The following RETREG2 variants were observed in gnomAD, a reference collection of about 807,000 sequenced individuals.
RETREG2 encodes reticulophagy regulator 2.
Under a neutral mutation model 51.6 loss-of-function variants are expected in RETREG2, and 21 were observed. The observed-to-expected ratio is 0.41, with a 90% CI of 0.29 to 0.59. RETREG2 has a LOEUF of 0.59. Ranked by LOEUF, RETREG2 falls within the 20% of genes least tolerant of loss-of-function variation. The pLI, the probability that RETREG2 is intolerant of heterozygous loss-of-function variation, is 0.34. For missense variants in RETREG2, 674 were observed against 646.0 expected, an observed-to-expected ratio of 1.04 and a Z score of -0.47; for synonymous variants, 339 against 288.6, an observed-to-expected ratio of 1.17 and a Z score of -1.77.
Position 219,182,047 on chromosome 2 carries a change from G to A in RETREG2, c.1050G>A (p.Glu350=). The A allele has an allele frequency of 6.2e-7, 1 of 1,614,102 alleles. No homozygotes were observed. The highest frequency in any genetic ancestry group is 1.1e-5 in the South Asian group (1 of 91,082). ...LDQQSLPSEP[E]ETLSRDLGEG... ...AGCAGAGCCTGCCAAGTGAACCAGA[G>A]GAGACCCTAAGCCGGGACCTAGGGG... The change falls in exon 9 of 9, where the codon GAG becomes GAA. Residue 350 remains glutamate, a synonymous_variant. Transcript: ENST00000430297.
In RETREG2 at chr2:219,184,828, T is replaced by TTTTTTTTG. The variant is rs1950329141; in HGVS notation, c.*2206_*2207insGTTTTTTT. ...TTTGGTTTTTTGTTTTTTGTGGGTT[T>TTTTTTTTG]TTTTTTTTTTTTTTTTGAGACGGAG... On this transcript the variant is annotated 3_prime_UTR_variant, in exon 9 of 9. Coordinates refer to ENST00000430297, the MANE Select transcript of RETREG2 (RefSeq NM_024293.6). 1.5e-5 allele frequency: 2 copies of TTTTTTTTG among 129,658 alleles called. No homozygotes were observed. The highest frequency in any genetic ancestry group is 3.3e-5 in the Non-Finnish European group (2 of 59,784). 8.0% of individuals were successfully genotyped at this position (129,658 alleles called of 1,614,324 possible).
Position 219,179,640 on chromosome 2 carries a change from G to C in RETREG2, c.389-93G>C, listed in dbSNP as rs894443476. 2.4e-6 allele frequency: 3 copies of C among 1,233,840 alleles called. No individual in the cohort carries two copies. The African/African-American group carries it at 4.5e-5, about 18-fold the overall frequency. 76.4% of individuals were successfully genotyped at this position (1,233,840 alleles called of 1,614,324 possible). On this transcript the variant is annotated intron_variant, in intron 2 of 8. Transcript: ENST00000430297. ...CATTGGCATCTGAAGAAGGTGCTCT[G>C]GGGCTGCAGAGGAGGGACAACTATT...
rs374903418 is a variant in RETREG2, at chr2:219,180,181, G to A, written c.491G>A (p.Ser164Asn). Reference sequence around the variant, plus strand: ...GAGTTGTGCAGATACCTGGCTGAGAGCTGGCTCACCTTCCAGATTCACCTG... The same window carrying A: ...GAGTTGTGCAGATACCTGGCTGAGAACTGGCTCACCTTCCAGATTCACCTG... ...VPELCRYLAE[S>N]WLTFQIHLQE... The change falls in exon 4 of 9, where the codon AGC (serine) becomes AAC (asparagine). Residue 164 changes from serine to asparagine, a missense_variant. Transcript: ENST00000430297. The A allele has an allele frequency of 3.7e-6, 6 of 1,614,092 alleles. No homozygotes were observed. The African/African-American group carries it at 8.0e-5, about 22-fold the overall frequency.
Position 219,178,547 on chromosome 2 carries a change from G to A in RETREG2, c.195G>A (p.Ala65=). 1 of 1,443,442 alleles carries A rather than the reference G, an allele frequency of 6.9e-7. No individual in the cohort carries two copies. The highest frequency in any genetic ancestry group is 9.0e-7 in the Non-Finnish European group (1 of 1,106,806). 89.4% of individuals were successfully genotyped at this position (1,443,442 alleles called of 1,614,324 possible). The change falls in exon 1 of 9, where the codon GCG becomes GCA. Residue 65 remains alanine, a synonymous_variant. Transcript: ENST00000430297. ...GGCTGCGGCTCCGCGGCTGGGAGGC[G>A]GTGCTGGCGGCGGCGCAGCGGTTGC... ...TLWLRLRGWE[A]VLAAAQRLLV...
rs1950325510 is a variant in RETREG2 at position 219,184,696 on chromosome 2, C to G, written c.*2067C>G. ...ACATGTCCTATCTTTAATCTATTTT[C>G]TTATTAAGCTTGGACATTGACAATA... On this transcript the variant is annotated 3_prime_UTR_variant, in exon 9 of 9. Transcript: ENST00000430297. The G allele has an allele frequency of 6.6e-6, 1 of 152,010 alleles. No homozygotes were observed. The highest frequency in any genetic ancestry group is 2.4e-5 in the African/African-American group (1 of 41,380). The allele number at this position is 152,010 out of a possible 1,614,324, so 9.4% of individuals were successfully genotyped here.
At position 219,181,661 on chromosome 2, in the gene RETREG2, T is replaced by C. The variant is rs1289382762; in HGVS notation, c.901T>C (p.Leu301=). Residue 301 remains leucine (L), a synonymous_variant, in exon 8 of 9, where the codon TTG becomes CTG. Coordinates refer to ENST00000430297, the MANE Select transcript of RETREG2 (RefSeq NM_024293.6). ...SPVVDVKKTA[L]ALAITDSELS... ...CCAGGTGGATGTGAAGAAAACAGCATTGGCCTTGGCCATTACAGACTCAGA... is the reference window on the plus strand; with the variant it reads ...CCAGGTGGATGTGAAGAAAACAGCACTGGCCTTGGCCATTACAGACTCAGA... 1.2e-6 allele frequency: 2 copies of C among 1,614,106 alleles called. No homozygotes were observed. Among genetic ancestry groups the C allele is most frequent in the Non-Finnish European group, 1.7e-6 (2 of 1,179,958 alleles).
rs71040423 is a variant in RETREG2, at chr2:219,184,825, G to GTTTTTTTTTTTTTTTTTT, written c.*2198_*2215dup. On this transcript the variant is annotated 3_prime_UTR_variant, in exon 9 of 9. Transcript: ENST00000430297. ...TGTTTTGGTTTTTTGTTTTTTGTGG[G>GTTTTTTTTTTTTTTTTTT]TTTTTTTTTTTTTTTTTTTGAGACG... is the stretch of plus-strand genomic sequence containing the variant. 5.4e-4 allele frequency: 54 copies of GTTTTTTTTTTTTTTTTTT among 99,396 alleles called. 9 individuals carry two copies. Among genetic ancestry groups the GTTTTTTTTTTTTTTTTTT allele is most frequent in the Non-Finnish European group, 6.7e-4 (35 of 51,890 alleles). 6.2% of individuals were successfully genotyped at this position (99,396 alleles called of 1,614,324 possible). A position where few individuals can be genotyped will look rare whatever the true frequency, so the allele number is the denominator to read the frequency against.
In RETREG2 at chr2:219,178,646, G is replaced by A; in HGVS notation, c.281+13G>A. Reference sequence around the variant, plus strand: ...ACGGCCTCTTCTGGTAACGGCCGCGGAGGAGGGGGCGGGGCCGGGATGAGC... The same window carrying A: ...ACGGCCTCTTCTGGTAACGGCCGCGAAGGAGGGGGCGGGGCCGGGATGAGC... On this transcript the variant is annotated intron_variant, in intron 1 of 8. Coordinates refer to ENST00000430297, the MANE Select transcript of RETREG2 (RefSeq NM_024293.6). 6.9e-7 allele frequency: 1 copy of A among 1,440,380 alleles called. No individual in the cohort carries two copies. The highest frequency in any genetic ancestry group is 9.0e-7 in the Non-Finnish European group (1 of 1,108,212). The allele number at this position is 1,440,380 out of a possible 1,614,324, so 89.2% of individuals were successfully genotyped here. A position where few individuals can be genotyped will look rare whatever the true frequency, so the allele number is the denominator to read the frequency against.
chr2:219,182,102 G>A lies in RETREG2; in HGVS notation c.1105G>A (p.Glu369Lys), dbSNP rs534149750. ...EGEEGELAPPEDLLGRPQALS... is the reference protein window; with the variant it reads ...EGEEGELAPPKDLLGRPQALS... Reference sequence around the variant, plus strand: ...AGAGGAGGGAGAGCTGGCCCCTCCCGAAGACCTACTAGGCCGTCCTCAAGC... The same window carrying A: ...AGAGGAGGGAGAGCTGGCCCCTCCCAAAGACCTACTAGGCCGTCCTCAAGC... The change falls in exon 9 of 9, where the codon GAA (glutamate) becomes AAA (lysine). Residue 369 changes from glutamate (E) to lysine (K), a missense_variant. Transcript: ENST00000430297. 8.1e-5 allele frequency: 131 copies of A among 1,614,076 alleles called. 1 individual carries two copies. The highest frequency in any genetic ancestry group is 6.4e-4 in the South Asian group (58 of 91,072).
At position 219,178,404 on chromosome 2, in the gene RETREG2, ATGGGCC is replaced by A. The variant is rs1450823486; in HGVS notation, c.55_60del (p.Gly19_Leu20del). 4 of 514,868 alleles carry A rather than the reference ATGGGCC, an allele frequency of 7.8e-6. No individual in the cohort carries two copies. Among genetic ancestry groups the A allele is most frequent in the Non-Finnish European group, 3.3e-6 (1 of 300,994 alleles). The allele number at this position is 514,868 out of a possible 1,614,324, so 31.9% of individuals were successfully genotyped here. A position where few individuals can be genotyped will look rare whatever the true frequency, so the allele number is the denominator to read the frequency against. On this transcript the variant is annotated inframe_deletion, in exon 1 of 9. Transcript: ENST00000430297. Reference sequence around the variant, plus strand: ...CACTGGCGCGGGTGGGGGGCCGGGGATGGGCCTGAGCCTGGGCCTGGGTCTGGGTCT... The same window carrying A: ...CACTGGCGCGGGTGGGGGGCCGGGGATGAGCCTGGGCCTGGGTCTGGGTCT...
At position 219,182,354 on chromosome 2, in the gene RETREG2, C is replaced by T; in HGVS notation, c.1357C>T (p.Leu453Phe). The change falls in exon 9 of 9, where the codon CTT (leucine) becomes TTT (phenylalanine). Residue 453 changes from leucine (L) to phenylalanine (F), a missense_variant. By Grantham distance (22) the Leu-to-Phe change is conservative (BLOSUM62 0). Transcript: ENST00000430297. ...TALPGTLSPP[L>F]CLVGSDPAPS... The stretch of plus-strand genomic sequence containing the variant: ...TCTGCCCGGCACCCTGTCACCTCCA[C>T]TTTGCCTTGTTGGAAGTGACCCAGC... 2 of 1,614,044 alleles carry T rather than the reference C, an allele frequency of 1.2e-6. No homozygotes were observed. The highest frequency in any genetic ancestry group is 1.7e-6 in the Non-Finnish European group (2 of 1,179,994).
At position 219,184,574 on chromosome 2, in the gene RETREG2, T is replaced by G. The variant is rs1950324499; in HGVS notation, c.*1945T>G. On this transcript the variant is annotated 3_prime_UTR_variant, in exon 9 of 9. Transcript: ENST00000430297. ...CTGTGCCACTAAAGGAACTCGAACT[T>G]TTCATCACTTAGAGATTTCAGAGGG... The G allele has an allele frequency of 6.6e-6, 1 of 152,184 alleles. No individual in the cohort carries two copies. Among genetic ancestry groups the G allele is most frequent in the Non-Finnish European group, 1.5e-5 (1 of 68,024 alleles). The allele number at this position is 152,184 out of a possible 1,614,324, so 9.4% of individuals were successfully genotyped here. A position where few individuals can be genotyped will look rare whatever the true frequency, so the allele number is the denominator to read the frequency against.
intron 5 of RETREG2, 51 bp downstream of exon 5, chr2:219,180,805 C>G (rs1346313410): frequency 6.9e-6 from 11 of 1,593,872 alleles, no homozygotes; most frequent in Non-Finnish European, 9.5e-6. Context: ...TTTCTTCTTT[C>G]CTTGGACTGA....
rs3731901 is a variant in RETREG2, at chr2:219,182,671, C to G, written c.*42C>G. On this transcript the variant is annotated 3_prime_UTR_variant, in exon 9 of 9. Transcript: ENST00000430297. ...GGAGCTGCAGGCACAGTAGGGCTTC[C>G]TGGCTAGGAGTGTTGCTGTTTCCTC... 2 of 1,599,888 alleles carry G rather than the reference C, an allele frequency of 1.3e-6. No individual in the cohort carries two copies. The highest frequency in any genetic ancestry group is 1.7e-6 in the Non-Finnish European group (2 of 1,171,552).
At chr2:219,181,253 G>A (rs777139213) in intron 6 of RETREG2, 48 bp downstream of exon 6, 1 of 1,612,086 alleles carries the variant, frequency 6.2e-7, no homozygotes, top group Non-Finnish European at 8.5e-7. Context: ...GGAGGGCCTT[G>A]GCTTGGGGTT....
intron 5 of RETREG2, 46 bp from the exon 6 acceptor site, chr2:219,181,016 A>AG (rs1458686839): frequency 7.5e-6 from 12 of 1,606,922 alleles, no homozygotes; most frequent in Non-Finnish European, 8.5e-7. Context: ...GGGGGCTCTT[A>AG]GGAAATTGGC....
At chr2:219,178,821 G>A (rs1408625201) in intron 1 of RETREG2, 101 bp from the exon 2 acceptor site, 49 of 1,092,146 alleles carry the variant, frequency 4.5e-5, no homozygotes, top group Non-Finnish European at 6.6e-5. Context: ...GTTAGGCCTG[G>A]AGGTGCCATT....
At chr2:219,180,268 A>G (rs888387806) in intron 4 of RETREG2, 23 bp downstream of exon 4, 3 of 1,613,852 alleles carry the variant, frequency 1.9e-6, no homozygotes, top group Non-Finnish European at 2.5e-6. Flanking sequence ...ACATCATACA[A>G]CAGTTCACTA....
rs950518629 is a variant in RETREG2, at chr2:219,182,747, G to T, written c.*118G>T. 59 of 1,253,618 alleles carry T rather than the reference G, an allele frequency of 4.7e-5. No individual in the cohort carries two copies. In the East Asian group the frequency reaches 1.3e-3, roughly 27 times the overall value. The allele number at this position is 1,253,618 out of a possible 1,614,324, so 77.7% of individuals were successfully genotyped here. On this transcript the variant is annotated 3_prime_UTR_variant, in exon 9 of 9. Transcript: ENST00000430297. ...CAGTGTGTGGGGAAGCTGGCTGTCG[G>T]ATGGTAGCTATTCCACCCTCTGCCT...
Sources: gnomAD v4.1 joint callset for allele counts on GRCh38, gnomAD v4.1.1 for gene constraint, MANE v1.5 for transcripts, NCBI Gene and HGNC (gene_info 2026-07-23, HGNC 2026-07-21) for gene names.